The following VGLL4 variants were observed in gnomAD, a reference collection of about 807,000 sequenced individuals.
VGLL4 encodes transcription cofactor vestigial-like protein 4.
Under a neutral mutation model 21.0 loss-of-function variants are expected in VGLL4, and 7 were observed. That is an observed-to-expected ratio of 0.33 (90% CI 0.19 to 0.63). VGLL4 has a LOEUF of 0.63. Among genes scored for constraint, VGLL4 ranks in the 20% least tolerant of loss-of-function variants. The pLI is 0.78. For missense variants in VGLL4, 394 were observed against 425.7 expected (o/e 0.93, Z 0.66); for synonymous variants, 222 against 173.2 (o/e 1.28, Z -2.21).
intron 1 of VGLL4, among the ~76,000 whole-genome samples, chr3:11,706,701 G>T (rs758116131): frequency 6.6e-6 from 1 of 152,094 alleles, no homozygotes; most frequent in Non-Finnish European, 1.5e-5. Flanking sequence ...TTCCTGGATC[G>T]CACTGTGTTT....
At chr3:11,560,464 C>A (rs1476695311) in intron 3 of VGLL4, among the ~76,000 whole-genome samples, 1 of 152,166 alleles carries the variant, frequency 6.6e-6, no homozygotes. Flanking sequence ...GCCAGAGGGA[C>A]GCTGGGCCTT....
At chr3:11,578,819 T>A (rs1279713213) in intron 2 of VGLL4, among the ~76,000 whole-genome samples, 1 of 148,070 alleles carries the variant, frequency 6.8e-6, no homozygotes, top group Non-Finnish European at 1.5e-5. Context: ...GCGTGATCTC[T>A]GCTCATCGCA....
chr3:11,720,947 G>T (rs142556919), upstream of VGLL4, among the ~76,000 whole-genome samples: 1 of 152,204 alleles, frequency 6.6e-6, no homozygotes, highest in Admixed American at 6.5e-5. Flanking sequence ...AGCAACCCTT[G>T]CCCTGTTGTT....
At chr3:11,647,416 G>A (rs13088872), upstream of VGLL4, among the ~76,000 whole-genome samples, 49,689 of 151,944 alleles carry the variant, frequency 0.33, 10,103 homozygotes, top group Non-Finnish European at 0.47. Flanking sequence ...CACACCCTAC[G>A]CCAAGCTATC....
intron 2 of VGLL4, among the ~76,000 whole-genome samples, chr3:11,592,920 G>GA (rs1256848956): frequency 7.9e-5 from 12 of 152,086 alleles, no homozygotes; most frequent in Non-Finnish European, 1.6e-4. Flanking sequence ...ACAAGCCCTG[G>GA]AAAAAAGCCC....
intron 2 of VGLL4, among the ~76,000 whole-genome samples, chr3:11,569,668 C>T (rs193068570): frequency 1.6e-4 from 24 of 152,316 alleles, no homozygotes; most frequent in East Asian, 3.9e-4. Context: ...CAGGAGAATC[C>T]GACATCTGAG....
At chr3:11,701,799 C>T (rs891161168) in intron 2 of VGLL4, among the ~76,000 whole-genome samples, 2 of 152,138 alleles carry the variant, frequency 1.3e-5, no homozygotes, top group African/African-American at 4.8e-5. Flanking sequence ...ATGTATAAAA[C>T]GTCAACCTAA....
At chr3:11,650,269 G>A (rs1263647735) in intron 2 of VGLL4, among the ~76,000 whole-genome samples, 4 of 152,150 alleles carry the variant, frequency 2.6e-5, no homozygotes, top group Non-Finnish European at 5.9e-5. Context: ...TTATGGTTGT[G>A]CCTCAGCATC....
rs113470678 is a variant in VGLL4 at position 11,630,565 on chromosome 3, G to C, written c.82+12872C>G. Among the ~76,000 whole-genome samples the C allele has an allele frequency of 9.0e-3, 1,366 of 152,248 alleles. 13 individuals carry two copies. The highest frequency in any genetic ancestry group is 0.034 in the Middle Eastern group (10 of 294). ...GGAGGGTGAGAGAGGAGAATCACTT[G>C]AACCCAGGAGGCGGAGGTTGCAGTG... is the stretch of plus-strand genomic sequence containing the variant. On this transcript the variant is annotated intron_variant, in intron 1 of 4. Coordinates refer to ENST00000430365, the MANE Select transcript of VGLL4 (RefSeq NM_001128219.3).
chr3:11,709,435 T>TCAAAAAAAAAAAAAAAAAAAAAAAA (rs1228813940), intron 1 of VGLL4, among the ~76,000 whole-genome samples: 2 of 108,836 alleles, frequency 1.8e-5, no homozygotes, highest in African/African-American at 6.7e-5. Flanking sequence ...AGACTCCGTC[T>TCAAAAAAAAAAAAAAAAAAAAAAAA]AAAAAAAAAA....
intron 2 of VGLL4, among the ~76,000 whole-genome samples, chr3:11,697,276 T>C (rs939079235): frequency 2.0e-5 from 3 of 150,820 alleles, no homozygotes; most frequent in African/African-American, 4.9e-5. Flanking sequence ...AATTGTGGTT[T>C]TTTTTTTTTT....
At chr3:11,610,104 T>A (rs1029339792) in intron 1 of VGLL4, among the ~76,000 whole-genome samples, 2 of 152,160 alleles carry the variant, frequency 1.3e-5, no homozygotes, top group African/African-American at 4.8e-5. Flanking sequence ...TCCTTCAGGC[T>A]GACCACAGCC....
chr3:11,696,555 T>A (rs2076609577), intron 2 of VGLL4, among the ~76,000 whole-genome samples: 2 of 152,214 alleles, frequency 1.3e-5, no homozygotes, highest in Admixed American at 1.3e-4. Flanking sequence ...GTAAAGTTTA[T>A]CACACGAAGG....
At chr3:11,559,594 AGTCCT>A in intron 3 of VGLL4, 139 bp from the exon 4 acceptor site, 1 of 1,301,612 alleles carries the variant, frequency 7.7e-7, no homozygotes, top group Non-Finnish European at 1.0e-6. Context: ...TCAATACTGG[AGTCCT>A]GTTGCTAAAC....
chr3:11,572,064 C>T (rs2073797550), intron 2 of VGLL4, among the ~76,000 whole-genome samples: 1 of 152,082 alleles, frequency 6.6e-6, no homozygotes, highest in Non-Finnish European at 1.5e-5. Context: ...CTGAGATCTG[C>T]ACCACTGTAT....
chr3:11,670,970 G>C (rs1575515863), intron 2 of VGLL4, among the ~76,000 whole-genome samples: 2 of 152,236 alleles, frequency 1.3e-5, no homozygotes, highest in East Asian at 3.9e-4. Flanking sequence ...CCAGGAGGCA[G>C]AGGTTGCAGT....
intron 2 of VGLL4, among the ~76,000 whole-genome samples, chr3:11,652,869 A>G (rs772992142): frequency 5.3e-5 from 8 of 152,224 alleles, no homozygotes; most frequent in Non-Finnish European, 8.8e-5. Flanking sequence ...TTGCATGTTT[A>G]CATACATGAT....
chr3:11,704,622 T>C (rs1044225189), intron 1 of VGLL4, among the ~76,000 whole-genome samples: 1 of 152,028 alleles, frequency 6.6e-6, no homozygotes, highest in Non-Finnish European at 1.5e-5. Context: ...TGGGTGTTCA[T>C]ATTTTGTAAG....
chr3:11,604,911 G>T, intron 1 of VGLL4, among the ~76,000 whole-genome samples: 1 of 144,298 alleles, frequency 6.9e-6, no homozygotes. Flanking sequence ...GGGTGACCCT[G>T]GGGTCAAATA....
Sources: allele counts gnomAD v4.1 joint callset (sites outside exome capture counted in the v4.1 genomes callset), GRCh38; gene constraint gnomAD v4.1.1; transcripts MANE v1.5; gene names NCBI Gene and HGNC (gene_info 2026-07-23, HGNC 2026-07-21).